Variants in PKHD1 observed in about 807,000 individuals in gnomAD.
PKHD1 encodes PKHD1 ciliary IPT domain containing fibrocystin/polyductin.
In PKHD1, 291 loss-of-function variants were observed where a neutral mutation model predicts 412.0. The observed-to-expected ratio is 0.71, with a 90% CI of 0.64 to 0.78. PKHD1 has a LOEUF of 0.78. Among genes scored for constraint, PKHD1 ranks in the 30% least tolerant of loss-of-function variants. The pLI is 0.00. For missense variants in PKHD1, 4,825 were observed against 4,950.7 expected, an observed-to-expected ratio of 0.97 and a Z score of 0.76; for synonymous variants, 1,777 against 1,821.5, an observed-to-expected ratio of 0.98 and a Z score of 0.62.
At chr6:52,066,769 G>A (rs917513110) in intron 11 of PKHD1, among the ~76,000 whole-genome samples, 1 of 152,072 alleles carries the variant, frequency 6.6e-6, no homozygotes. Context: ...GTTCCGTGGT[G>A]TGCACCTGTA....
chr6:51,911,308 C>T (rs1393733574), intron 39 of PKHD1, among the ~76,000 whole-genome samples: 1 of 152,144 alleles, frequency 6.6e-6, no homozygotes, highest in Non-Finnish European at 1.5e-5. Flanking sequence ...TGCTATTCTA[C>T]TAGAAGATAA....
intron 55 of PKHD1, among the ~76,000 whole-genome samples, chr6:51,768,149 C>A (rs2151106316): frequency 1.4e-5 from 2 of 146,972 alleles, no homozygotes; most frequent in Middle Eastern, 3.4e-3. Context: ...GCTTCACCTA[C>A]TTTTTGAGGG....
At chr6:51,839,267 T>C (rs1300813365) in intron 50 of PKHD1, among the ~76,000 whole-genome samples, 1 of 152,242 alleles carries the variant, frequency 6.6e-6, no homozygotes, top group African/African-American at 2.4e-5. Context: ...TGTGATATTG[T>C]ACATATGTTT....
chr6:51,927,738 G>C (rs1343007232), intron 37 of PKHD1, among the ~76,000 whole-genome samples: 1 of 152,200 alleles, frequency 6.6e-6, no homozygotes, highest in Non-Finnish European at 1.5e-5. Context: ...ATTAGAGAAA[G>C]AGCAGAGCAG....
intron 60 of PKHD1, among the ~76,000 whole-genome samples, chr6:51,667,423 T>C (rs1439333694): frequency 6.7e-6 from 1 of 150,206 alleles, no homozygotes; most frequent in Non-Finnish European, 1.5e-5. Context: ...TTGTTTGAGT[T>C]CATTGTAGAT....
At chr6:51,901,359 T>C (rs939644696) in intron 43 of PKHD1, among the ~76,000 whole-genome samples, 2 of 152,196 alleles carry the variant, frequency 1.3e-5, no homozygotes, top group Non-Finnish European at 2.9e-5. Flanking sequence ...GATGAGTTCA[T>C]GTCCTTTGTA....
At chr6:51,686,628 G>T (rs2150596096) in intron 60 of PKHD1, among the ~76,000 whole-genome samples, 1 of 152,158 alleles carries the variant, frequency 6.6e-6, no homozygotes, top group Middle Eastern at 3.4e-3. Context: ...TATTTATTAT[G>T]TATATTACTT....
At chr6:51,828,379 T>C (rs896548345) in intron 52 of PKHD1, among the ~76,000 whole-genome samples, 1 of 151,070 alleles carries the variant, frequency 6.6e-6, no homozygotes, top group Non-Finnish European at 1.5e-5. Flanking sequence ...GAGAATTATA[T>C]GAAAAAAAAA....
At chr6:51,742,712 T>C (rs1364767432) in intron 60 of PKHD1, among the ~76,000 whole-genome samples, 1 of 152,112 alleles carries the variant, frequency 6.6e-6, no homozygotes, top group Non-Finnish European at 1.5e-5. Context: ...AAAAAAATCC[T>C]GCCCTCATGA....
chr6:51,671,806 C>T (rs987582491), intron 60 of PKHD1, among the ~76,000 whole-genome samples: 5 of 152,166 alleles, frequency 3.3e-5, no homozygotes, highest in Middle Eastern at 3.4e-3. Context: ...GGTACCCGCC[C>T]GTGTGAGGTG....
intron 50 of PKHD1, among the ~76,000 whole-genome samples, chr6:51,837,836 T>C (rs1297034839): frequency 1.3e-5 from 2 of 152,208 alleles, no homozygotes; most frequent in Non-Finnish European, 2.9e-5. Flanking sequence ...ATTTTCTCTT[T>C]TTAAAATTTT....
At position 51,963,781 on chromosome 6, in the gene PKHD1, GTC is replaced by G. The variant is rs528539106; in HGVS notation, c.5752-3757_5752-3756del. 1.2e-4 allele frequency among the ~76,000 whole-genome samples: 18 copies of G among 152,200 alleles called. No homozygotes were observed. In the East Asian group the frequency reaches 3.3e-3, roughly 28 times the overall value. On this transcript the variant is annotated intron_variant, in intron 35 of 66. Transcript: ENST00000371117. ...AGATTTTGTGAATATATTTGAGAAT[GTC>G]TCTGTTGATACCAACATATTTTTGG...
intron 60 of PKHD1, among the ~76,000 whole-genome samples, chr6:51,660,443 A>T (rs2150421301): frequency 6.6e-6 from 1 of 152,208 alleles, no homozygotes; most frequent in African/African-American, 2.4e-5. Context: ...CCAAATTCTG[A>T]TACTAAACAA....
At chr6:52,072,025 T>C in intron 8 of PKHD1, 90 bp downstream of exon 8, 1 of 805,872 alleles carries the variant, frequency 1.2e-6, no homozygotes, top group Non-Finnish European at 2.2e-6. Flanking sequence ...ATATGGTGAG[T>C]GGGGAGAGAA....
intron 43 of PKHD1, among the ~76,000 whole-genome samples, chr6:51,898,814 T>C (rs1298085060): frequency 6.7e-6 from 1 of 149,786 alleles, no homozygotes; most frequent in African/African-American, 2.5e-5. Flanking sequence ...ATAGACGCAA[T>C]AAAAAATGAT....
intron 55 of PKHD1, among the ~76,000 whole-genome samples, chr6:51,769,983 T>C (rs150286737): frequency 2.6e-5 from 4 of 151,060 alleles, no homozygotes; most frequent in African/African-American, 4.9e-5. Flanking sequence ...TCCATGTTTA[T>C]TATATTGTGA....
intron 55 of PKHD1, among the ~76,000 whole-genome samples, chr6:51,767,863 C>T (rs6924128): frequency 1.6e-4 from 25 of 152,266 alleles, no homozygotes; most frequent in Non-Finnish European, 2.9e-4. Context: ...AATGGTATTT[C>T]TAGTTCTAGA....
At chr6:51,956,510 G>A (rs966211435) in intron 36 of PKHD1, among the ~76,000 whole-genome samples, 1 of 152,004 alleles carries the variant, frequency 6.6e-6, no homozygotes, top group African/African-American at 2.4e-5. Context: ...CACTGTTCTA[G>A]ACCCTGAAGA....
At chr6:52,046,268 G>A (rs1038433322) in intron 23 of PKHD1, 80 bp from the exon 24 acceptor site, 32 of 1,075,312 alleles carry the variant, frequency 3.0e-5, no homozygotes, top group Non-Finnish European at 3.8e-5. Flanking sequence ...AGGATAACAC[G>A]ATACATACTA....
Sources: gnomAD v4.1 joint callset for allele counts (sites outside exome capture counted in the v4.1 genomes callset) on GRCh38, gnomAD v4.1.1 for gene constraint, MANE v1.5 for transcripts, NCBI Gene and HGNC (gene_info 2026-07-23, HGNC 2026-07-21) for gene names.